IL6ST: variants seen among roughly 807,000 people sequenced by gnomAD.
The protein encoded by IL6ST is interleukin 6 cytokine family signal transducer.
A neutral mutation model predicts 91.3 loss-of-function variants in IL6ST; 24 were observed. The ratio of observed to expected loss-of-function variants is 0.26; its 90% CI spans 0.19 to 0.37. The LOEUF (loss-of-function observed/expected upper bound fraction) is 0.37, where lower values mean the gene tolerates loss of function less well. IL6ST is among the 10% of genes least tolerant of loss of function. IL6ST has a pLI of 1.00. For missense variants in IL6ST, 914 were observed against 1,078.5 expected (o/e 0.85, Z 2.14); for synonymous variants, 351 against 373.6 (o/e 0.94, Z 0.70).
intron 11 of IL6ST, among the ~76,000 whole-genome samples, chr5:55,953,288 A>G (rs1347628594): frequency 6.6e-6 from 1 of 152,204 alleles, no homozygotes; most frequent in African/African-American, 2.4e-5. Context: ...CAATATTACC[A>G]AAAAATGAAC....
chr5:55,964,400 G>T, intron 5 of IL6ST, 88 bp from the exon 6 acceptor site: 2 of 828,112 alleles, frequency 2.4e-6, no homozygotes, highest in Non-Finnish European at 3.8e-6. Context: ...AGTTTGATGA[G>T]ACCTAGATTG....
At chr5:55,952,500 G>A in intron 11 of IL6ST, 149 bp from the exon 12 acceptor site, 1 of 524,960 alleles carries the variant, frequency 1.9e-6, no homozygotes. Flanking sequence ...TTTGTGTACT[G>A]GATTCAAGCT....
chr5:55,992,892 C>T (rs1754411300), intron 1 of IL6ST, among the ~76,000 whole-genome samples: 1 of 152,122 alleles, frequency 6.6e-6, no homozygotes. Flanking sequence ...TAGTTTTTTT[C>T]GTATAAGTTT....
chr5:55,949,317 T>C (rs979926046), intron 14 of IL6ST, among the ~76,000 whole-genome samples: 45 of 151,952 alleles, frequency 3.0e-4, no homozygotes, highest in Non-Finnish European at 5.1e-4. Context: ...ACCAAAAAAA[T>C]TGTTTTAACT....
chr5:55,953,192 A>G (rs1273789777), intron 11 of IL6ST, among the ~76,000 whole-genome samples: 1 of 152,206 alleles, frequency 6.6e-6, no homozygotes, highest in Non-Finnish European at 1.5e-5. Flanking sequence ...TATACCTTCA[A>G]TAAGAATGTA....
At position 55,935,748 on chromosome 5, in the gene IL6ST, T is replaced by C. The variant is rs1179791746; in HGVS notation, c.*5334A>G. The stretch of plus-strand genomic sequence containing the variant: ...TTCGTATTTTGAAAGTGTAGAAGTT[T>C]GTATTAATTTAAAAAGAAAAAGCTT... On this transcript the variant is annotated 3_prime_UTR_variant, in exon 17 of 17. Coordinates refer to ENST00000381298, the MANE Select transcript of IL6ST (RefSeq NM_002184.4). 1 of 217,238 alleles carries C rather than the reference T, an allele frequency of 4.6e-6. No homozygotes were observed. The highest frequency in any genetic ancestry group is 1.9e-4 in the South Asian group (1 of 5,394). The allele number at this position is 217,238 out of a possible 1,614,324, so 13.5% of individuals were successfully genotyped here.
chr5:55,956,886 G>A lies in IL6ST; in HGVS notation c.1056+323C>T, dbSNP rs552073199. On this transcript the variant is annotated intron_variant, in intron 9 of 16. Coordinates refer to ENST00000381298, the MANE Select transcript of IL6ST (RefSeq NM_002184.4). ...CAAAATGTATTTATAAGGGCTGGGC[G>A]CGGTGGCTCATGCCTGTAATCCCAG... Among the ~76,000 whole-genome samples, 12 of 152,258 alleles carry A rather than the reference G, an allele frequency of 7.9e-5. No individual in the cohort carries two copies. The South Asian group carries it at 8.3e-4, about 11-fold the overall frequency.
chr5:55,950,231 G>A (rs776175740), intron 14 of IL6ST: 3 of 476,836 alleles, frequency 6.3e-6, no homozygotes, highest in Admixed American at 2.2e-5. Flanking sequence ...GTTTGAATAG[G>A]CAAGTAAGAA....
At position 55,936,341 on chromosome 5, in the gene IL6ST, G is replaced by A; in HGVS notation, c.*4741C>T. ...ACTTGGGCTCTTGACAACCAAGTAG[G>A]TTTTTTTTTTTTTTTTTTTTTTTAA... is the stretch of plus-strand genomic sequence containing the variant. On this transcript the variant is annotated 3_prime_UTR_variant, in exon 17 of 17. Coordinates refer to ENST00000381298, the MANE Select transcript of IL6ST (RefSeq NM_002184.4). 6.7e-6 allele frequency: 1 copy of A among 149,120 alleles called. No homozygotes were observed. Among genetic ancestry groups the A allele is most frequent in the East Asian group, 1.0e-4 (1 of 9,648 alleles). 9.2% of individuals were successfully genotyped at this position (149,120 alleles called of 1,614,324 possible).
intron 1 of IL6ST, among the ~76,000 whole-genome samples, chr5:55,993,378 T>G (rs377666466): frequency 1.3e-4 from 20 of 152,222 alleles, no homozygotes; most frequent in African/African-American, 4.6e-4. Flanking sequence ...CTACTTCACA[T>G]GTATTTAACT....
chr5:55,942,798 C>CT, intron 15 of IL6ST, 47 bp from the exon 16 acceptor site: 1 of 960,626 alleles, frequency 1.0e-6, no homozygotes, highest in Middle Eastern at 2.8e-4. Flanking sequence ...ACATAATAAA[C>CT]AATAAATAGT....
intron 3 of IL6ST, among the ~76,000 whole-genome samples, chr5:55,971,647 C>A (rs1324905862): frequency 6.6e-6 from 1 of 152,112 alleles, no homozygotes; most frequent in Non-Finnish European, 1.5e-5. Context: ...TGGCAAAACC[C>A]CATCTCTACA....
rs139301484 is a variant in IL6ST, at chr5:55,938,690, T to A, written c.*2392A>T. The A allele has an allele frequency of 1.1e-3, 222 of 198,538 alleles. 4 individuals carry two copies. The East Asian group carries it at 0.016, about 14-fold the overall frequency. The allele number at this position is 198,538 out of a possible 1,614,324, so 12.3% of individuals were successfully genotyped here. A position where few individuals can be genotyped will look rare whatever the true frequency, so the allele number is the denominator to read the frequency against. On this transcript the variant is annotated 3_prime_UTR_variant, in exon 17 of 17. Coordinates refer to ENST00000381298, the MANE Select transcript of IL6ST (RefSeq NM_002184.4). The stretch of plus-strand genomic sequence containing the variant: ...ATTTCTTTGCCTACCTAAAGTACAA[T>A]TTACATGCATCAACACATAGATTAT...
chr5:55,976,095 G>A (rs986282915), intron 3 of IL6ST, 120 bp downstream of exon 3: 2 of 436,290 alleles, frequency 4.6e-6, no homozygotes, highest in Non-Finnish European at 8.1e-6. Context: ...TTATTCTCTC[G>A]ATTATCCTAG....
At position 55,940,151 on chromosome 5, in the gene IL6ST, A is replaced by ATATATG. The variant is rs1750804431; in HGVS notation, c.*930_*931insCATATA. On this transcript the variant is annotated 3_prime_UTR_variant, in exon 17 of 17. Transcript: ENST00000381298. ...TGTGTGTGTATATATATATATATATATACACACATTAGCAATTTAAGCCTT... is the reference window on the plus strand; with the variant it reads ...TGTGTGTGTATATATATATATATATATATATGTACACACATTAGCAATTTAAGCCTT... 1 of 197,080 alleles carries ATATATG rather than the reference A, an allele frequency of 5.1e-6. No individual in the cohort carries two copies. The allele number at this position is 197,080 out of a possible 1,614,324, so 12.2% of individuals were successfully genotyped here. A position where few individuals can be genotyped will look rare whatever the true frequency, so the allele number is the denominator to read the frequency against.
rs936760854 is a variant in IL6ST, at chr5:55,949,029, G to C, written c.1841-1440C>G. The C allele has an allele frequency of 8.5e-5, 13 of 152,220 alleles. No homozygotes were observed. In the East Asian group the frequency reaches 1.5e-3, roughly 18 times the overall value. 9.4% of individuals were successfully genotyped at this position (152,220 alleles called of 1,614,324 possible). ...AAGGTAGGTTATAAAATAATACTAA[G>C]TATAATTTAATTTTAGGAAAAAAAT... On this transcript the variant is annotated intron_variant, in intron 14 of 16. Coordinates refer to ENST00000381298, the MANE Select transcript of IL6ST (RefSeq NM_002184.4).
At chr5:55,953,423 C>G (rs1281837932) in intron 11 of IL6ST, among the ~76,000 whole-genome samples, 3 of 152,128 alleles carry the variant, frequency 2.0e-5, no homozygotes, top group Admixed American at 6.5e-5. Context: ...GAGTTTCGTT[C>G]TTGTTGTTCA....
intron 3 of IL6ST, 55 bp from the exon 4 acceptor site, chr5:55,969,910 T>C: frequency 8.3e-7 from 1 of 1,198,220 alleles, no homozygotes; most frequent in Non-Finnish European, 1.2e-6. Flanking sequence ...TGGTACAAAA[T>C]GATATCTAGC....
intron 15 of IL6ST, among the ~76,000 whole-genome samples, chr5:55,944,952 T>A (rs1751148110): frequency 6.6e-6 from 1 of 151,556 alleles, no homozygotes; most frequent in South Asian, 2.1e-4. Context: ...CCTGTGACAT[T>A]CTGGACTATT....
Sources: gnomAD v4.1 joint callset for allele counts (sites outside exome capture counted in the v4.1 genomes callset) on GRCh38, gnomAD v4.1.1 for gene constraint, MANE v1.5 for transcripts, NCBI Gene and HGNC (gene_info 2026-07-23, HGNC 2026-07-21) for gene names.